The following CELF4 variants were observed in gnomAD, a reference collection of about 807,000 sequenced individuals.
The protein encoded by CELF4 is CUGBP Elav-like family member 4, also known as CUG-BP- and ETR-3-like factor 4.
Under a neutral mutation model 59.9 loss-of-function variants are expected in CELF4, and 18 were observed. That is an observed-to-expected ratio of 0.30 (90% CI 0.21 to 0.45). The LOEUF is 0.45. Ranked by LOEUF, CELF4 falls within the 20% of genes least tolerant of loss-of-function variation. The probability of loss-of-function intolerance (pLI) is 1.00; values close to 1 mark genes in which losing one functional copy is unlikely to be tolerated. For missense variants in CELF4, 456 were observed against 689.0 expected (o/e 0.66, Z 3.79); for synonymous variants, 261 against 267.1 (o/e 0.98, Z 0.22).
chr18:37,389,251 C>T (rs978324336), intron 2 of CELF4, among the ~76,000 whole-genome samples: 6 of 152,098 alleles, frequency 3.9e-5, no homozygotes, highest in African/African-American at 1.4e-4. Context: ...ATTACTGATA[C>T]CAATCTCCTT....
chr18:37,300,544 ACTGCCCTGTGGGTCC>A (rs1222917951), intron 3 of CELF4, among the ~76,000 whole-genome samples: 2 of 152,100 alleles, frequency 1.3e-5, no homozygotes, highest in African/African-American at 4.8e-5. Flanking sequence ...TTCTTATGGC[ACTGCCCTGTGGGTCC>A]CTGTCCTGCG....
intron 3 of CELF4, among the ~76,000 whole-genome samples, chr18:37,292,824 CTTTG>C (rs1384543771): frequency 1.3e-5 from 2 of 152,186 alleles, no homozygotes; most frequent in African/African-American, 2.4e-5. Flanking sequence ...TAAATTTCAC[CTTTG>C]TTTGATATAA....
At chr18:37,416,201 T>TCCATCCATCCAC (rs1474722728) in intron 2 of CELF4, among the ~76,000 whole-genome samples, 1 of 150,560 alleles carries the variant, frequency 6.6e-6, no homozygotes, top group Non-Finnish European at 1.5e-5. Flanking sequence ...CATCCGTCCA[T>TCCATCCATCCAC]CCATCCATCC....
At chr18:37,325,482 C>T (rs141350333) in intron 2 of CELF4, among the ~76,000 whole-genome samples, 23 of 152,318 alleles carry the variant, frequency 1.5e-4, no homozygotes, top group African/African-American at 5.1e-4. Flanking sequence ...CTAGATGCCA[C>T]CCCAGTTGCA....
At chr18:37,422,087 A>T (rs984813819) in intron 2 of CELF4, among the ~76,000 whole-genome samples, 6 of 152,216 alleles carry the variant, frequency 3.9e-5, no homozygotes, top group African/African-American at 1.4e-4. Flanking sequence ...GCAACAAATT[A>T]TAACACTGGC....
At chr18:37,527,682 C>T (rs1434474103) in intron 1 of CELF4, among the ~76,000 whole-genome samples, 3 of 152,134 alleles carry the variant, frequency 2.0e-5, no homozygotes, top group Admixed American at 6.5e-5. Context: ...GGCTGGCTTT[C>T]CAGGCTCTGG....
chr18:37,525,725 A>G (rs1370493348), intron 1 of CELF4, among the ~76,000 whole-genome samples: 2 of 152,046 alleles, frequency 1.3e-5, no homozygotes, highest in African/African-American at 2.4e-5. Flanking sequence ...GAACATTTAC[A>G]TTGATCAGAC....
intron 11 of CELF4, 165 bp downstream of exon 11, chr18:37,259,016 G>A (rs934445439): frequency 5.8e-5 from 58 of 992,224 alleles, no homozygotes; most frequent in Admixed American, 1.0e-4. Context: ...CAGCTGGGGC[G>A]GGGGCAATGT....
chr18:37,477,157 C>A (rs1280804206), intron 2 of CELF4, among the ~76,000 whole-genome samples: 4 of 152,118 alleles, frequency 2.6e-5, no homozygotes, highest in Non-Finnish European at 4.4e-5. Context: ...TGGGTCAGTT[C>A]CAGGCACAGG....
intron 2 of CELF4, among the ~76,000 whole-genome samples, chr18:37,402,915 GC>G (rs1210515676): frequency 3.3e-5 from 5 of 152,118 alleles, no homozygotes; most frequent in African/African-American, 1.2e-4. Context: ...GCCTTCCTCT[GC>G]CCTCCCCACC....
intron 2 of CELF4, among the ~76,000 whole-genome samples, chr18:37,386,574 C>A (rs2099101805): frequency 6.6e-6 from 1 of 152,130 alleles, no homozygotes; most frequent in East Asian, 1.9e-4. Flanking sequence ...ACACGCTTCC[C>A]CACTAATTAT....
chr18:37,466,308 A>C (rs926275081), intron 2 of CELF4, among the ~76,000 whole-genome samples: 3 of 151,494 alleles, frequency 2.0e-5, no homozygotes, highest in African/African-American at 7.3e-5. Flanking sequence ...AGTTTGGGAG[A>C]AGTGAGGGGC....
At chr18:37,352,494 C>T (rs11082001) in intron 2 of CELF4, among the ~76,000 whole-genome samples, 89,669 of 151,694 alleles carry the variant, frequency 0.59, 27,608 homozygotes, top group East Asian at 0.73. Flanking sequence ...AATAATTAGC[C>T]AGGCTGGAGG....
intron 2 of CELF4, among the ~76,000 whole-genome samples, chr18:37,453,582 T>C (rs2099770044): frequency 6.6e-6 from 1 of 152,062 alleles, no homozygotes; most frequent in Non-Finnish European, 1.5e-5. Flanking sequence ...CTGGGAAAGA[T>C]TTCCATGGAG....
chr18:37,558,239 T>G (rs9966155), intron 1 of CELF4, among the ~76,000 whole-genome samples: 128,629 of 151,932 alleles, frequency 0.85, 57,596 homozygotes, highest in Non-Finnish European at 0.98. Context: ...CTTCCTTCTT[T>G]GTTCCTGTGG....
chr18:37,562,487 G>A (rs1259988039), intron 1 of CELF4, among the ~76,000 whole-genome samples: 1 of 151,698 alleles, frequency 6.6e-6, no homozygotes, highest in East Asian at 1.9e-4. Context: ...AATTAAGGAA[G>A]GGGAGAGCAA....
rs141854072 is a variant in CELF4, at chr18:37,514,938, T to C, written c.287-29331A>G. Among the ~76,000 whole-genome samples, 24 of 152,290 alleles carry C rather than the reference T, an allele frequency of 1.6e-4. No homozygotes were observed. The East Asian group carries it at 3.5e-3, about 22-fold the overall frequency. ...CTAATTATAAAGGAACTTTTAAAAA[T>C]GTATCCAAGCATTAAAAGAAAATCT... is the stretch of plus-strand genomic sequence containing the variant. On this transcript the variant is annotated intron_variant, in intron 1 of 12. Coordinates refer to ENST00000420428, the MANE Select transcript of CELF4 (RefSeq NM_020180.4).
intron 2 of CELF4, among the ~76,000 whole-genome samples, chr18:37,484,807 A>G (rs1199096290): frequency 6.6e-6 from 1 of 152,210 alleles, no homozygotes; most frequent in African/African-American, 2.4e-5. Context: ...AAGCGTCAAC[A>G]CTATATTTAG....
intron 11 of CELF4, among the ~76,000 whole-genome samples, chr18:37,258,584 T>TGAG (rs1017409354): frequency 4.3e-4 from 65 of 151,692 alleles, no homozygotes; most frequent in African/African-American, 1.6e-3. Flanking sequence ...CTGAGGCAGG[T>TGAG]GAGTGGGGAG....
Sources: allele counts gnomAD v4.1 joint callset (sites outside exome capture counted in the v4.1 genomes callset), GRCh38; gene constraint gnomAD v4.1.1; transcripts MANE v1.5; gene names NCBI Gene and HGNC (gene_info 2026-07-23, HGNC 2026-07-21).